Variants in SLBP observed in about 807,000 individuals in gnomAD.
The protein encoded by SLBP is histone RNA hairpin-binding protein.
In SLBP, 29 loss-of-function variants were observed where a neutral mutation model predicts 39.2. The ratio of observed to expected loss-of-function variants is 0.74; its 90% CI spans 0.55 to 1.01. SLBP has a LOEUF of 1.01. Among genes scored for constraint, SLBP ranks in the 50% least tolerant of loss-of-function variants. The probability of loss-of-function intolerance (pLI) is 0.00; values close to 1 mark genes in which losing one functional copy is unlikely to be tolerated. For missense variants in SLBP, 390 were observed against 350.2 expected, an observed-to-expected ratio of 1.11 and a Z score of -0.91; for synonymous variants, 129 against 118.7, an observed-to-expected ratio of 1.09 and a Z score of -0.57.
intron 2 of SLBP, among the ~76,000 whole-genome samples, chr4:1,711,153 A>AT (rs56291020): frequency 1.9e-4 from 28 of 145,826 alleles, no homozygotes; most frequent in African/African-American, 4.1e-4. Flanking sequence ...GTTGGGTCCG[A>AT]TTTTTTTTTT....
chr4:1,699,722 C>T (rs375007962), intron 4 of SLBP, 21 bp from the exon 5 acceptor site: 58 of 1,610,082 alleles, frequency 3.6e-5, no homozygotes, highest in Middle Eastern at 3.3e-4. Flanking sequence ...AACAGATTAA[C>T]AGAATAAGCC....
intron 2 of SLBP, among the ~76,000 whole-genome samples, chr4:1,704,726 G>A (rs1716454209): frequency 6.6e-6 from 1 of 152,120 alleles, no homozygotes; most frequent in Admixed American, 6.5e-5. Context: ...TCAGGTGGGT[G>A]TTTCCGCTGT....
rs762861036 is a variant in SLBP, at chr4:1,694,860, A to G, written c.630-20T>C. ...GGGTGTCTGTTAAACAAGATCCAAC[A>G]TGTGCGTCAGGCACTAACTTAACAA... On this transcript the variant is annotated intron_variant, in intron 6 of 7. Transcript: ENST00000489418. 4 of 1,585,892 alleles carry G rather than the reference A, an allele frequency of 2.5e-6. No individual in the cohort carries two copies. The highest frequency in any genetic ancestry group is 3.3e-5 in the Admixed American group (2 of 59,980).
intron 2 of SLBP, among the ~76,000 whole-genome samples, chr4:1,709,740 T>A (rs1313165447): frequency 6.6e-6 from 1 of 151,952 alleles, no homozygotes; most frequent in Non-Finnish European, 1.5e-5. Context: ...GCCTCCTGAG[T>A]AGCTGGGACT....
intron 2 of SLBP, among the ~76,000 whole-genome samples, chr4:1,705,049 T>A: frequency 6.6e-6 from 1 of 152,232 alleles, no homozygotes; most frequent in Non-Finnish European, 1.5e-5. Context: ...TGCCTCAGCC[T>A]CCCGAGTAGC....
intron 4 of SLBP, 76 bp from the exon 5 acceptor site, chr4:1,699,777 T>G (rs1716256475): frequency 7.3e-7 from 1 of 1,376,770 alleles, no homozygotes; most frequent in Non-Finnish European, 1.0e-6. Context: ...CAAGAAAATG[T>G]CAAAACACAA....
At chr4:1,704,576 TA>T (rs2108662371) in intron 2 of SLBP, among the ~76,000 whole-genome samples, 2 of 152,246 alleles carry the variant, frequency 1.3e-5, no homozygotes, top group Non-Finnish European at 2.9e-5. Flanking sequence ...CGGGCACATC[TA>T]GACAGATGTG....
chr4:1,701,063 T>A, intron 3 of SLBP, among the ~76,000 whole-genome samples: 1 of 152,174 alleles, frequency 6.6e-6, no homozygotes, highest in Non-Finnish European at 1.5e-5. Flanking sequence ...GCAAATCATT[T>A]GCTGCAGGGC....
intron 2 of SLBP, among the ~76,000 whole-genome samples, chr4:1,709,562 AC>A (rs1045320986): frequency 6.6e-6 from 1 of 151,602 alleles, no homozygotes; most frequent in African/African-American, 2.4e-5. Flanking sequence ...CGCTATAATT[AC>A]GCCTATGACG....
Position 1,693,351 on chromosome 4 carries a change from G to A in SLBP, c.*246C>T, listed in dbSNP as rs1002666765. The A allele has an allele frequency of 2.0e-5, 8 of 391,714 alleles. No individual in the cohort carries two copies. Among genetic ancestry groups the A allele is most frequent in the Admixed American group, 4.2e-5 (1 of 23,908 alleles). The allele number at this position is 391,714 out of a possible 1,614,324, so 24.3% of individuals were successfully genotyped here. The stretch of plus-strand genomic sequence containing the variant: ...CAACAGGGATTACGCAATTAAGCTC[G>A]CTGGAAGAGAGCTTCAAGTACTTTC... On this transcript the variant is annotated 3_prime_UTR_variant, in exon 8 of 8. Coordinates refer to ENST00000489418, the MANE Select transcript of SLBP (RefSeq NM_006527.4).
intron 2 of SLBP, among the ~76,000 whole-genome samples, chr4:1,709,016 T>C (rs1371740810): frequency 6.6e-6 from 1 of 152,056 alleles, no homozygotes; most frequent in Non-Finnish European, 1.5e-5. Flanking sequence ...CTTCCCTTCA[T>C]ATCTGGACCT....
In SLBP at chr4:1,711,929, TC is replaced by T; in HGVS notation, c.120del (p.Trp40Ter). ...TCTGCCTCCTCGGCGTCTTCGGGCCTCCAGCGCCTGCCGTCGGCTCTGCGCT... is the reference window on the plus strand; with the variant it reads ...TCTGCCTCCTCGGCGTCTTCGGGCCTCAGCGCCTGCCGTCGGCTCTGCGCT... ...GRKRRADGRR[W>X]RPEDAEEAEH... On this transcript the variant is annotated frameshift_variant, in exon 2 of 8. Coordinates refer to ENST00000489418, the MANE Select transcript of SLBP (RefSeq NM_006527.4). LOFTEE classifies it high-confidence loss of function. 1 of 1,355,462 alleles carries T rather than the reference TC, an allele frequency of 7.4e-7. No individual in the cohort carries two copies. The allele number at this position is 1,355,462 out of a possible 1,614,324, so 84.0% of individuals were successfully genotyped here. A position where few individuals can be genotyped will look rare whatever the true frequency, so the allele number is the denominator to read the frequency against.
chr4:1,708,569 G>A (rs1011558861), intron 2 of SLBP, among the ~76,000 whole-genome samples: 1 of 152,178 alleles, frequency 6.6e-6, no homozygotes, highest in Non-Finnish European at 1.5e-5. Context: ...GTTCAAGTCT[G>A]GGTCTGCCAA....
Position 1,712,239 on chromosome 4 carries a change from G to C in SLBP, c.-51C>G. On this transcript the variant is annotated 5_prime_UTR_variant, in exon 1 of 8. Coordinates refer to ENST00000489418, the MANE Select transcript of SLBP (RefSeq NM_006527.4). The stretch of plus-strand genomic sequence containing the variant: ...CAGGGCCGAGGCTGAGGCGGCGGCG[G>C]CGCGGGCAGAGAGCGCAGAGTAGAG... 8.6e-7 allele frequency: 1 copy of C among 1,161,270 alleles called. No homozygotes were observed. The allele number at this position is 1,161,270 out of a possible 1,614,324, so 71.9% of individuals were successfully genotyped here. A position where few individuals can be genotyped will look rare whatever the true frequency, so the allele number is the denominator to read the frequency against.
At position 1,712,319 on chromosome 4, in the gene SLBP, T is replaced by G. The variant is rs1002811162; in HGVS notation, c.-131A>C. 2.0e-6 allele frequency: 1 copy of G among 501,154 alleles called. No homozygotes were observed. Among genetic ancestry groups the G allele is most frequent in the East Asian group, 4.7e-5 (1 of 21,446 alleles). The allele number at this position is 501,154 out of a possible 1,614,324, so 31.0% of individuals were successfully genotyped here. On this transcript the variant is annotated 5_prime_UTR_variant, in exon 1 of 8. Transcript: ENST00000489418. Reference sequence around the variant, plus strand: ...TCCCCGCGCCGGCGCTCACGAGCTCTGCGCGCCCCGCCCCCAACCGCCTTT... The same window carrying G: ...TCCCCGCGCCGGCGCTCACGAGCTCGGCGCGCCCCGCCCCCAACCGCCTTT...
intron 2 of SLBP, among the ~76,000 whole-genome samples, chr4:1,705,969 G>C (rs1716500956): frequency 6.6e-6 from 1 of 152,040 alleles, no homozygotes; most frequent in Admixed American, 6.6e-5. Context: ...TGGGCAACAG[G>C]GCAAGACCAT....
Position 1,693,207 on chromosome 4 carries a change from G to A in SLBP, c.*390C>T, listed in dbSNP as rs146223319. On this transcript the variant is annotated 3_prime_UTR_variant, in exon 8 of 8. Coordinates refer to ENST00000489418, the MANE Select transcript of SLBP (RefSeq NM_006527.4). ...TACTTTGATGCCTATAAAAGTAGCT[G>A]ACTCTCAATTGGTCCCATGGATTAC... 3.2e-3 allele frequency: 541 copies of A among 167,260 alleles called. 1 individual carries two copies. The highest frequency in any genetic ancestry group is 0.012 in the African/African-American group (506 of 41,890). 10.4% of individuals were successfully genotyped at this position (167,260 alleles called of 1,614,324 possible).
chr4:1,708,342 A>C (rs1716603201), intron 2 of SLBP, among the ~76,000 whole-genome samples: 1 of 152,252 alleles, frequency 6.6e-6, no homozygotes, highest in South Asian at 2.1e-4. Flanking sequence ...ATGCAATTGC[A>C]GTAACAAATG....
At chr4:1,708,510 G>A (rs1716609045) in intron 2 of SLBP, among the ~76,000 whole-genome samples, 1 of 152,180 alleles carries the variant, frequency 6.6e-6, no homozygotes, top group South Asian at 2.1e-4. Context: ...TGACTCAATA[G>A]AGGTTTGTCC....
Sources: gnomAD v4.1 joint callset for allele counts (sites outside exome capture counted in the v4.1 genomes callset) on GRCh38, gnomAD v4.1.1 for gene constraint, MANE v1.5 for transcripts, NCBI Gene and HGNC (gene_info 2026-07-23, HGNC 2026-07-21) for gene names.